DOCK2: variants seen among roughly 807,000 people sequenced by gnomAD.
The protein encoded by DOCK2 is dedicator of cytokinesis 2.
A neutral mutation model predicts 248.9 loss-of-function variants in DOCK2; 87 were observed. The observed-to-expected ratio is 0.35, with a 90% CI of 0.29 to 0.42. The LOEUF (loss-of-function observed/expected upper bound fraction) is 0.42, where lower values mean the gene tolerates loss of function less well. DOCK2 is among the 10% of genes least tolerant of loss of function. The pLI is 1.00. For missense variants in DOCK2, 1,747 were observed against 2,300.2 expected (o/e 0.76, Z 4.92); for synonymous variants, 805 against 821.6 (o/e 0.98, Z 0.35).
intron 1 of DOCK2, among the ~76,000 whole-genome samples, chr5:169,649,248 C>G (rs1024066443): frequency 6.6e-6 from 1 of 152,176 alleles, no homozygotes; most frequent in African/African-American, 2.4e-5. Context: ...TTGGCTGAAG[C>G]TTGTGTTTTC....
At chr5:169,789,666 G>A (rs1330715849) in intron 25 of DOCK2, among the ~76,000 whole-genome samples, 2 of 152,172 alleles carry the variant, frequency 1.3e-5, no homozygotes, top group Non-Finnish European at 2.9e-5. Context: ...TTGGGCCTAA[G>A]TTTATGATAC....
chr5:169,695,710 A>G, intron 9 of DOCK2, 93 bp from the exon 10 acceptor site: 8 of 1,560,198 alleles, frequency 5.1e-6, no homozygotes, highest in Non-Finnish European at 7.0e-6. Flanking sequence ...TATTATATAC[A>G]TCCCTCAGAA....
intron 27 of DOCK2, among the ~76,000 whole-genome samples, chr5:169,945,035 G>A (rs1001655718): frequency 6.6e-6 from 1 of 152,204 alleles, no homozygotes; most frequent in African/African-American, 2.4e-5. Context: ...CTTCAGAGGT[G>A]TCTTCTTAGC....
chr5:169,795,818 T>C (rs1291976058), intron 25 of DOCK2, among the ~76,000 whole-genome samples: 1 of 152,152 alleles, frequency 6.6e-6, no homozygotes, highest in Non-Finnish European at 1.5e-5. Flanking sequence ...CAGCCCTGCC[T>C]GGGAGAATTT....
At chr5:169,898,749 G>T (rs1482790391) in intron 27 of DOCK2, among the ~76,000 whole-genome samples, 1 of 152,160 alleles carries the variant, frequency 6.6e-6, no homozygotes, top group Non-Finnish European at 1.5e-5. Flanking sequence ...TAGCCTGAAA[G>T]CACACATGGG....
At chr5:169,884,007 GC>G in intron 27 of DOCK2, 1 of 1,112,394 alleles carries the variant, frequency 9.0e-7, no homozygotes, top group Non-Finnish European at 1.2e-6. Context: ...AGAACTGCTG[GC>G]CAGGATGGAG....
At chr5:170,023,612 G>A (rs75144179) in intron 33 of DOCK2, among the ~76,000 whole-genome samples, 5,238 of 152,176 alleles carry the variant, frequency 0.034, 178 homozygotes, top group African/African-American at 0.092. Flanking sequence ...GAATTGGAAC[G>A]ATTAGAGACA....
intron 44 of DOCK2, among the ~76,000 whole-genome samples, chr5:170,064,992 G>A (rs1757443138): frequency 6.6e-6 from 1 of 151,264 alleles, no homozygotes; most frequent in South Asian, 2.1e-4. Context: ...AATGATGGTG[G>A]GCAAATCAAT....
At chr5:169,668,749 C>T (rs780724382) in intron 2 of DOCK2, among the ~76,000 whole-genome samples, 7 of 152,116 alleles carry the variant, frequency 4.6e-5, no homozygotes, top group Non-Finnish European at 8.8e-5. Flanking sequence ...CTTTATCTGT[C>T]CCTAAACTTA....
chr5:169,923,876 A>G (rs1216183199), intron 27 of DOCK2, among the ~76,000 whole-genome samples: 5 of 152,254 alleles, frequency 3.3e-5, no homozygotes, highest in African/African-American at 9.6e-5. Context: ...GCCAGTCAGT[A>G]TATGAGCTAA....
At chr5:170,065,324 A>C (rs1278009067) in intron 44 of DOCK2, among the ~76,000 whole-genome samples, 1 of 152,216 alleles carries the variant, frequency 6.6e-6, no homozygotes, top group Admixed American at 6.5e-5. Flanking sequence ...GGAAGAAAGT[A>C]ATAAAGGAAA....
chr5:170,067,456 T>A, intron 44 of DOCK2, 54 bp from the exon 45 acceptor site: 2 of 1,565,708 alleles, frequency 1.3e-6, no homozygotes, highest in Non-Finnish European at 1.7e-6. Flanking sequence ...TAATATCTGT[T>A]TTTAAAGTGA....
intron 22 of DOCK2, among the ~76,000 whole-genome samples, chr5:169,742,906 G>T (rs1763397578): frequency 2.0e-5 from 3 of 152,246 alleles, no homozygotes; most frequent in African/African-American, 7.2e-5. Context: ...ACAGTGCCTT[G>T]CAGGTTGTTC....
chr5:169,860,422 G>A (rs1265710563), intron 27 of DOCK2, among the ~76,000 whole-genome samples: 1 of 152,124 alleles, frequency 6.6e-6, no homozygotes, highest in Non-Finnish European at 1.5e-5. Context: ...TGTGTTCTTG[G>A]CTGTCACTCA....
intron 27 of DOCK2, among the ~76,000 whole-genome samples, chr5:169,929,460 G>A (rs1157209750): frequency 2.0e-5 from 3 of 152,140 alleles, no homozygotes; most frequent in Non-Finnish European, 4.4e-5. Flanking sequence ...CCTGTGGCCA[G>A]GTGTGGTGGC....
At chr5:169,761,424 C>A in intron 24 of DOCK2, 95 bp from the exon 25 acceptor site, 2 of 1,008,338 alleles carry the variant, frequency 2.0e-6, no homozygotes, top group South Asian at 3.0e-5. Flanking sequence ...TGGGGGTTTC[C>A]CAGAGCTAGA....
At chr5:169,724,596 A>T (rs566322072) in intron 22 of DOCK2, among the ~76,000 whole-genome samples, 1 of 151,802 alleles carries the variant, frequency 6.6e-6, no homozygotes, top group African/African-American at 2.4e-5. Context: ...CTGCCACCAC[A>T]TTAACAAGGG....
intron 27 of DOCK2, among the ~76,000 whole-genome samples, chr5:169,853,214 G>A: frequency 6.6e-6 from 1 of 152,236 alleles, no homozygotes; most frequent in East Asian, 1.9e-4. Context: ...AAGTGGAACT[G>A]TAAGTCCAAT....
intron 49 of DOCK2, chr5:170,079,920 C>G: frequency 4.0e-6 from 2 of 503,306 alleles, no homozygotes. Context: ...CTAGGGGACA[C>G]CATTTACATG....
Sources: allele counts gnomAD v4.1 joint callset (sites outside exome capture counted in the v4.1 genomes callset), GRCh38; gene constraint gnomAD v4.1.1; transcripts MANE v1.5; gene names NCBI Gene and HGNC (gene_info 2026-07-23, HGNC 2026-07-21).